Variants in HIPK2 observed in about 807,000 individuals in gnomAD.
HIPK2 encodes the protein homeodomain interacting protein kinase 2.
A neutral mutation model predicts 113.7 loss-of-function variants in HIPK2; 27 were observed. The ratio of observed to expected loss-of-function variants is 0.24; its 90% CI spans 0.17 to 0.33. The LOEUF is 0.33. Ranked by LOEUF, HIPK2 falls within the 10% of genes least tolerant of loss-of-function variation. The pLI is 1.00. For missense variants in HIPK2, 1,257 were observed against 1,588.0 expected, an observed-to-expected ratio of 0.79 and a Z score of 3.54; for synonymous variants, 631 against 642.2, an observed-to-expected ratio of 0.98 and a Z score of 0.26.
chr7:139,754,288 T>C (rs1176273583), intron 1 of HIPK2, among the ~76,000 whole-genome samples: 1 of 152,202 alleles, frequency 6.6e-6, no homozygotes, highest in Non-Finnish European at 1.5e-5. Context: ...TGGTAGGCGC[T>C]CAATTAATGT....
intron 2 of HIPK2, among the ~76,000 whole-genome samples, chr7:139,680,319 C>G (rs577083032): frequency 6.6e-6 from 1 of 152,348 alleles, no homozygotes; most frequent in African/African-American, 2.4e-5. Context: ...CACAGCGTGG[C>G]TGGTGCCCAA....
intron 13 of HIPK2, chr7:139,583,598 T>C (rs1798738505): frequency 1.6e-6 from 1 of 608,228 alleles, no homozygotes; most frequent in South Asian, 2.1e-5. Flanking sequence ...CAGAGAGGTA[T>C]TGATTACAGG....
chr7:139,662,536 G>T (rs1569467765), intron 2 of HIPK2, among the ~76,000 whole-genome samples: 1 of 151,902 alleles, frequency 6.6e-6, no homozygotes, highest in Non-Finnish European at 1.5e-5. Context: ...TACCACTCGG[G>T]CCATATACCA....
Position 139,596,823 on chromosome 7 carries a change from G to GCCGTTC in HIPK2, c.2605_2610dup (p.Glu869_Arg870dup). The stretch of plus-strand genomic sequence containing the variant: ...TCGGGAATGACAATTGTCTGCCGCT[G>GCCGTTC]CCGTTCCCGGGTGGTGCTGGAGGCC... On this transcript the variant is annotated inframe_insertion, in exon 12 of 15. Transcript: ENST00000406875. The GCCGTTC allele has an allele frequency of 1.2e-6, 2 of 1,613,982 alleles. No individual in the cohort carries two copies. The highest frequency in any genetic ancestry group is 2.7e-5 in the African/African-American group (2 of 75,058).
In HIPK2 at chr7:139,666,848, A is replaced by C. The variant is rs10280164; in HGVS notation, c.1104-35123T>G. On this transcript the variant is annotated intron_variant, in intron 2 of 14. Coordinates refer to ENST00000406875, the MANE Select transcript of HIPK2 (RefSeq NM_022740.5). The stretch of plus-strand genomic sequence containing the variant: ...GAGGCCGAGGCAGGTAGACGGCCTG[A>C]GGTCAGGAGTTCTAGACCAGCCTGG... Among the ~76,000 whole-genome samples the C allele has an allele frequency of 8.3e-3, 1,265 of 152,308 alleles. 22 individuals carry two copies. Among genetic ancestry groups the C allele is most frequent in the African/African-American group, 0.029 (1,207 of 41,556 alleles).
chr7:139,721,950 TA>T, intron 1 of HIPK2: 1 of 340,998 alleles, frequency 2.9e-6, no homozygotes, highest in African/African-American at 2.2e-5. Flanking sequence ...TTTCATTCAC[TA>T]AAGGACAGGG....
Position 139,716,535 on chromosome 7 carries a change from G to T in HIPK2, c.500C>A (p.Thr167Asn). 2.5e-6 allele frequency: 4 copies of T among 1,614,042 alleles called. No individual in the cohort carries two copies. Among genetic ancestry groups the T allele is most frequent in the Non-Finnish European group, 2.5e-6 (3 of 1,179,896 alleles). The change falls in exon 2 of 15, where the codon ACC becomes AAC. Residue 167 changes from threonine to asparagine, a missense_variant. Thr to Asn is a moderately conservative substitution (Grantham distance 65). Transcript: ENST00000406875. The surrounding 1 kb of genome is among the most constrained non-coding windows in gnomAD (Gnocchi z 9.3). ...GTTTTTGGAGGTGGCAGTAGACGTG[G>T]TGGCAGTGGCGACAGTGGCCCCGCT... is the stretch of plus-strand genomic sequence containing the variant. The part of the protein sequence containing the change: ...NASGATVATA[T>N]TSTATSKNSG...
chr7:139,648,283 T>A (rs1473328562), intron 2 of HIPK2, among the ~76,000 whole-genome samples: 1 of 152,256 alleles, frequency 6.6e-6, no homozygotes, highest in Non-Finnish European at 1.5e-5. Flanking sequence ...AACTCTTTAG[T>A]AAGTCTTGCT....
At chr7:139,685,465 C>T (rs976773250) in intron 2 of HIPK2, among the ~76,000 whole-genome samples, 4 of 152,152 alleles carry the variant, frequency 2.6e-5, no homozygotes, top group African/African-American at 9.7e-5. Context: ...ACCCGGCCAA[C>T]AGGTTTTCAA....
At chr7:139,767,424 G>T (rs1237661353) in intron 1 of HIPK2, among the ~76,000 whole-genome samples, 1 of 152,194 alleles carries the variant, frequency 6.6e-6, no homozygotes, top group Non-Finnish European at 1.5e-5. Flanking sequence ...CACAGTCAAA[G>T]AATAAACAGG....
At position 139,631,296 on chromosome 7, in the gene HIPK2, GA is replaced by G; in HGVS notation, c.1228-13del. 6.2e-7 allele frequency: 1 copy of G among 1,605,194 alleles called. No homozygotes were observed. The highest frequency in any genetic ancestry group is 1.1e-5 in the South Asian group (1 of 89,236). ...GAAATATACCGAATCTGCAAGAAAA[GA>G]TAAGAATGAGGTCAGGGCTTTTCCT... is the stretch of plus-strand genomic sequence containing the variant. On this transcript the variant is annotated splice_polypyrimidine_tract_variant and intron_variant, in intron 3 of 14. Transcript: ENST00000406875. This position sits in a 1 kb window ranked among gnomAD's most constrained non-coding sequence, Gnocchi z 4.9.
intron 11 of HIPK2, among the ~76,000 whole-genome samples, chr7:139,600,139 G>A (rs1196880078): frequency 6.6e-6 from 1 of 151,586 alleles, no homozygotes; most frequent in Non-Finnish European, 1.5e-5. Context: ...ACTCGCCCAC[G>A]CTGTATGGAG....
At chr7:139,638,688 C>T (rs1252836676) in intron 2 of HIPK2, among the ~76,000 whole-genome samples, 5 of 136,462 alleles carry the variant, frequency 3.7e-5, no homozygotes, top group Non-Finnish European at 7.5e-5. Flanking sequence ...GACAGAGTCT[C>T]ACTCTGTTGC....
intron 1 of HIPK2, among the ~76,000 whole-genome samples, chr7:139,729,530 C>A (rs1243244799): frequency 6.6e-6 from 1 of 152,184 alleles, no homozygotes. Context: ...CCTCTTCATG[C>A]CCCTCAGCAT....
chr7:139,735,787 G>A (rs1473903036), intron 1 of HIPK2, among the ~76,000 whole-genome samples: 3 of 152,222 alleles, frequency 2.0e-5, no homozygotes, highest in East Asian at 1.9e-4. Context: ...AGGCCAGTGA[G>A]CACTGGGTTC....
At chr7:139,679,108 G>A (rs1802609143) in intron 2 of HIPK2, among the ~76,000 whole-genome samples, 1 of 152,196 alleles carries the variant, frequency 6.6e-6, no homozygotes, top group Admixed American at 6.5e-5. Flanking sequence ...CATCTGCAAA[G>A]AGAGACGATT....
chr7:139,770,484 C>A (rs1314856605), intron 1 of HIPK2, among the ~76,000 whole-genome samples: 1 of 152,168 alleles, frequency 6.6e-6, no homozygotes, highest in African/African-American at 2.4e-5. Context: ...TAGGTTGAAT[C>A]AACAGGGAAA....
intron 1 of HIPK2, among the ~76,000 whole-genome samples, chr7:139,741,099 A>G (rs1010710936): frequency 6.6e-6 from 1 of 152,186 alleles, no homozygotes; most frequent in African/African-American, 2.4e-5. Flanking sequence ...GTGAGCTGAG[A>G]TCGCGCCACT....
At chr7:139,713,659 A>T (rs1795135602) in intron 2 of HIPK2, among the ~76,000 whole-genome samples, 1 of 152,256 alleles carries the variant, frequency 6.6e-6, no homozygotes, top group Admixed American at 6.5e-5. Context: ...TTCATGATGC[A>T]GCAATTCAGA....
Sources: allele counts gnomAD v4.1 joint callset (sites outside exome capture counted in the v4.1 genomes callset), GRCh38; gene constraint gnomAD v4.1.1; non-coding constraint Gnocchi (gnomAD v3.1); transcripts MANE v1.5; gene names NCBI Gene and HGNC (gene_info 2026-07-23, HGNC 2026-07-21).